The following TMEM132B variants were observed in gnomAD, a reference collection of about 807,000 sequenced individuals.
The protein encoded by TMEM132B is transmembrane protein 132B.
TMEM132B carries 18 observed loss-of-function variants against 90.8 expected under a neutral mutation model. That is an observed-to-expected ratio of 0.20 (90% CI 0.14 to 0.29). The LOEUF is 0.29. TMEM132B is among the 10% of genes least tolerant of loss of function. The pLI is 1.00. For missense variants in TMEM132B, 1,096 were observed against 1,326.8 expected, an observed-to-expected ratio of 0.83 and a Z score of 2.70; for synonymous variants, 504 against 523.3, an observed-to-expected ratio of 0.96 and a Z score of 0.50.
intron 2 of TMEM132B, among the ~76,000 whole-genome samples, chr12:125,391,409 T>G (rs1402528078): frequency 2.0e-5 from 3 of 152,236 alleles, no homozygotes; most frequent in African/African-American, 7.2e-5. Flanking sequence ...AGCCTCTACC[T>G]GCTCAGCTAC....
At chr12:125,290,600 G>A (rs558249379) in intron 1 of TMEM132B, among the ~76,000 whole-genome samples, 6 of 152,318 alleles carry the variant, frequency 3.9e-5, no homozygotes, top group East Asian at 1.9e-4. Context: ...ATCTTGCCAC[G>A]TTGGTGGGAC....
At chr12:125,610,995 A>G (rs1385959812) in intron 5 of TMEM132B, among the ~76,000 whole-genome samples, 1 of 152,128 alleles carries the variant, frequency 6.6e-6, no homozygotes, top group Non-Finnish European at 1.5e-5. Flanking sequence ...GGAATTTACC[A>G]GTGAAGATAT....
At chr12:125,546,271 A>G (rs1379189416) in intron 4 of TMEM132B, among the ~76,000 whole-genome samples, 1 of 151,784 alleles carries the variant, frequency 6.6e-6, no homozygotes, top group Non-Finnish European at 1.5e-5. Context: ...CAAGCTCCGC[A>G]TCCTGGGTTC....
intron 1 of TMEM132B, among the ~76,000 whole-genome samples, chr12:125,295,515 T>TGTGTGTGTGA (rs531489519): frequency 7.0e-6 from 1 of 142,334 alleles, no homozygotes; most frequent in Non-Finnish European, 1.5e-5. Context: ...TGTGTGTGTG[T>TGTGTGTGTGA]GAGAGAGAGA....
chr12:125,600,902 C>T (rs566200742), intron 5 of TMEM132B, among the ~76,000 whole-genome samples: 78 of 152,182 alleles, frequency 5.1e-4, no homozygotes, highest in African/African-American at 1.6e-3. Flanking sequence ...GGGATCAATT[C>T]GACAAGAAGA....
chr12:125,312,240 A>G (rs1876141238), intron 1 of TMEM132B, among the ~76,000 whole-genome samples: 1 of 152,228 alleles, frequency 6.6e-6, no homozygotes, highest in Non-Finnish European at 1.5e-5. Flanking sequence ...GTTTCAACCC[A>G]TTGAGTCATT....
intron 1 of TMEM132B, among the ~76,000 whole-genome samples, chr12:125,348,216 T>A (rs1877425927): frequency 6.6e-6 from 1 of 152,010 alleles, no homozygotes; most frequent in Non-Finnish European, 1.5e-5. Flanking sequence ...TATTCCACTG[T>A]AAATGTTTAG....
intron 2 of TMEM132B, among the ~76,000 whole-genome samples, chr12:125,376,354 A>C (rs1234272927): frequency 1.3e-5 from 2 of 152,216 alleles, no homozygotes; most frequent in Non-Finnish European, 1.5e-5. Flanking sequence ...GAACAGACTT[A>C]AATAAAAATA....
At chr12:125,601,377 T>C (rs1885567648) in intron 5 of TMEM132B, among the ~76,000 whole-genome samples, 1 of 151,952 alleles carries the variant, frequency 6.6e-6, no homozygotes, top group Admixed American at 6.6e-5. Flanking sequence ...TGGGAAATAA[T>C]GAAATAAAGA....
intron 3 of TMEM132B, among the ~76,000 whole-genome samples, chr12:125,473,568 TG>T (rs1187256957): frequency 6.6e-6 from 1 of 152,224 alleles, no homozygotes; most frequent in African/African-American, 2.4e-5. Flanking sequence ...TTGTATAAGT[TG>T]AAGTATATTT....
At chr12:125,594,415 T>C (rs1885391361) in intron 5 of TMEM132B, among the ~76,000 whole-genome samples, 1 of 152,224 alleles carries the variant, frequency 6.6e-6, no homozygotes, top group Admixed American at 6.5e-5. Flanking sequence ...AGAAAGGTTG[T>C]ATCATATTAA....
intron 1 of TMEM132B, among the ~76,000 whole-genome samples, chr12:125,331,908 C>T (rs1239030002): frequency 6.6e-6 from 1 of 152,104 alleles, no homozygotes; most frequent in East Asian, 1.9e-4. Context: ...CACTTGCTGT[C>T]TTGCCTGGTT....
intron 1 of TMEM132B, among the ~76,000 whole-genome samples, chr12:125,320,756 A>G (rs1485348781): frequency 6.6e-6 from 1 of 152,220 alleles, no homozygotes; most frequent in Non-Finnish European, 1.5e-5. Flanking sequence ...GGGAAAATGC[A>G]CTGGGGTCAG....
At chr12:125,553,678 G>T (rs1014903108) in intron 4 of TMEM132B, among the ~76,000 whole-genome samples, 2 of 131,044 alleles carry the variant, frequency 1.5e-5, no homozygotes, top group Non-Finnish European at 3.5e-5. Context: ...ATCACATAGG[G>T]AGAATATTTT....
intron 4 of TMEM132B, among the ~76,000 whole-genome samples, chr12:125,558,965 G>A (rs1163025499): frequency 6.6e-6 from 1 of 152,208 alleles, no homozygotes; most frequent in African/African-American, 2.4e-5. Flanking sequence ...AGAAAAAACA[G>A]GGTGATGTGG....
At chr12:125,284,134 T>C (rs1212156113) in intron 1 of TMEM132B, among the ~76,000 whole-genome samples, 2 of 152,200 alleles carry the variant, frequency 1.3e-5, no homozygotes, top group African/African-American at 4.8e-5. Flanking sequence ...TGGTAGGTGA[T>C]TTTTTGTCTT....
intron 3 of TMEM132B, among the ~76,000 whole-genome samples, chr12:125,431,471 A>C (rs1880502666): frequency 6.6e-6 from 1 of 152,118 alleles, no homozygotes; most frequent in South Asian, 2.1e-4. Flanking sequence ...AGAAGGTGAG[A>C]GTGTCAGGAG....
chr12:125,285,044 G>T (rs142285483), intron 1 of TMEM132B, among the ~76,000 whole-genome samples: 2 of 152,298 alleles, frequency 1.3e-5, no homozygotes, highest in African/African-American at 4.8e-5. Flanking sequence ...ATCAGTCAAA[G>T]GTTTGTATTC....
intron 1 of TMEM132B, among the ~76,000 whole-genome samples, chr12:125,282,795 G>A (rs1238574965): frequency 6.6e-6 from 1 of 152,206 alleles, no homozygotes; most frequent in African/African-American, 2.4e-5. Context: ...GCAGGGAGAT[G>A]TGTGTGCCTG....
Sources: gnomAD v4.1 joint callset for allele counts (sites outside exome capture counted in the v4.1 genomes callset) on GRCh38, gnomAD v4.1.1 for gene constraint, MANE v1.5 for transcripts, NCBI Gene and HGNC (gene_info 2026-07-23, HGNC 2026-07-21) for gene names.